Variants in SERPINI2 observed in about 807,000 individuals in gnomAD.
The protein encoded by SERPINI2 is serpin I2.
A neutral mutation model predicts 47.3 loss-of-function variants in SERPINI2; 48 were observed. The observed-to-expected ratio is 1.02, with a 90% CI of 0.81 to 1.29. The LOEUF (loss-of-function observed/expected upper bound fraction) is 1.29, where lower values mean the gene tolerates loss of function less well. Among genes scored for constraint, SERPINI2 ranks in the 50% most tolerant of loss-of-function variants. SERPINI2 has a pLI of 0.00. For synonymous variants in SERPINI2, 135 were observed against 149.3 expected (o/e 0.90, Z 0.70); for missense variants, 448 against 456.9 (o/e 0.98, Z 0.18).
intron 8 of SERPINI2, among the ~76,000 whole-genome samples, chr3:167,443,989 C>T (rs891822991): frequency 6.6e-6 from 1 of 152,074 alleles, no homozygotes; most frequent in African/African-American, 2.4e-5. Context: ...ACATCTTCAT[C>T]AGATGGAAGC....
exon 2 of SERPINI2, chr3:167,471,590 G>C: frequency 6.2e-7 from 1 of 1,613,200 alleles, no homozygotes; most frequent in Non-Finnish European, 8.5e-7. Context: ...AGTCTCACCA[G>C]CTGAGGTTTC....
intron 8 of SERPINI2, among the ~76,000 whole-genome samples, chr3:167,445,662 A>G (rs1399328147): frequency 1.1e-4 from 16 of 152,162 alleles, no homozygotes; most frequent in African/African-American, 3.9e-4. Flanking sequence ...TGTGGTATGT[A>G]ACTCTCACAT....
chr3:167,451,067 G>A (rs900733389), intron 6 of SERPINI2, among the ~76,000 whole-genome samples: 1 of 152,160 alleles, frequency 6.6e-6, no homozygotes, highest in Admixed American at 6.5e-5. Flanking sequence ...CAATACGTTT[G>A]CTAGATGTGC....
chr3:167,471,061 A>G (rs1241105905), intron 2 of SERPINI2, among the ~76,000 whole-genome samples: 1 of 152,170 alleles, frequency 6.6e-6, no homozygotes, highest in Non-Finnish European at 1.5e-5. Flanking sequence ...TGGTCTCGTT[A>G]CAGATGAGGT....
At chr3:167,442,273 T>C in intron 8 of SERPINI2, 88 bp from the exon 9 acceptor site, 1 of 922,668 alleles carries the variant, frequency 1.1e-6, no homozygotes, top group Non-Finnish European at 1.6e-6. Flanking sequence ...ATTTAACATG[T>C]CATTTGGTCT....
chr3:167,476,432 G>A (rs570421277), upstream of SERPINI2, among the ~76,000 whole-genome samples: 1 of 150,482 alleles, frequency 6.6e-6, no homozygotes, highest in African/African-American at 2.4e-5. Flanking sequence ...ATATATTTAT[G>A]AGACAGCTCT....
At chr3:167,460,260 C>A (rs1378033537) in intron 5 of SERPINI2, among the ~76,000 whole-genome samples, 2 of 152,172 alleles carry the variant, frequency 1.3e-5, no homozygotes, top group Non-Finnish European at 2.9e-5. Context: ...AAAGAACCAC[C>A]GCATTCAGTA....
At chr3:167,445,159 T>C (rs1200374902) in intron 8 of SERPINI2, among the ~76,000 whole-genome samples, 2 of 152,184 alleles carry the variant, frequency 1.3e-5, no homozygotes, top group Non-Finnish European at 2.9e-5. Context: ...GATATGACTT[T>C]CAGAAGGGTC....
At chr3:167,464,530 G>A (rs1176876622) in intron 5 of SERPINI2, among the ~76,000 whole-genome samples, 1 of 150,182 alleles carries the variant, frequency 6.7e-6, no homozygotes, top group African/African-American at 2.4e-5. Flanking sequence ...GGCTTGATGA[G>A]TTTGAAAGGA....
At chr3:167,469,505 T>A (rs908772669) in intron 2 of SERPINI2, 1 of 152,200 alleles carries the variant, frequency 6.6e-6, no homozygotes, top group South Asian at 2.1e-4. Context: ...ACAAGTGACA[T>A]GACTTGTGCC....
intron 2 of SERPINI2, among the ~76,000 whole-genome samples, chr3:167,468,202 T>C (rs1750199886): frequency 6.6e-6 from 1 of 152,164 alleles, no homozygotes; most frequent in Admixed American, 6.6e-5. Context: ...ATACTGCAAA[T>C]GCCACTTTCA....
intron 1 of SERPINI2, chr3:167,473,724 A>G (rs1750404404): frequency 3.5e-6 from 5 of 1,444,988 alleles, no homozygotes; most frequent in African/African-American, 2.8e-5. Context: ...ATTGGTTTTA[A>G]AAACTCACTT....
At chr3:167,463,920 C>T (rs945643024) in intron 5 of SERPINI2, among the ~76,000 whole-genome samples, 46 of 149,874 alleles carry the variant, frequency 3.1e-4, no homozygotes, top group Non-Finnish European at 6.3e-4. Flanking sequence ...GCTCTAGTCT[C>T]GGTAAAGCCA....
At chr3:167,463,798 G>C (rs1401219822) in intron 5 of SERPINI2, among the ~76,000 whole-genome samples, 1 of 152,084 alleles carries the variant, frequency 6.6e-6, no homozygotes, top group African/African-American at 2.4e-5. Flanking sequence ...TGGCACACTT[G>C]TTGGAAGTAA....
chr3:167,468,180 A>G (rs1365341054), intron 2 of SERPINI2, among the ~76,000 whole-genome samples: 1 of 152,066 alleles, frequency 6.6e-6, no homozygotes, highest in Non-Finnish European at 1.5e-5. Flanking sequence ...CCTTCATTAT[A>G]TTTTCAGTTA....
At chr3:167,458,245 C>CTTTTT (rs949215365) in intron 5 of SERPINI2, among the ~76,000 whole-genome samples, 396 of 105,170 alleles carry the variant, frequency 3.8e-3, no homozygotes, top group Non-Finnish European at 4.3e-3. Context: ...GAATTTCTTT[C>CTTTTT]TTTTTTTTTT....
At chr3:167,453,295 C>G (rs1293850923) in intron 5 of SERPINI2, among the ~76,000 whole-genome samples, 1 of 152,028 alleles carries the variant, frequency 6.6e-6, no homozygotes, top group Non-Finnish European at 1.5e-5. Context: ...AATTACCCAA[C>G]AAAACTCGGT....
chr3:167,460,065 C>A (rs994083955), intron 5 of SERPINI2, among the ~76,000 whole-genome samples: 1 of 152,094 alleles, frequency 6.6e-6, no homozygotes, highest in Non-Finnish European at 1.5e-5. Context: ...GTGCTGACAC[C>A]TTGATTTTGA....
chr3:167,457,115 A>G (rs1243140791), intron 5 of SERPINI2, among the ~76,000 whole-genome samples: 3 of 152,230 alleles, frequency 2.0e-5, no homozygotes, highest in Admixed American at 1.3e-4. Flanking sequence ...AAAGAATGAT[A>G]TCTCTCACAA....
Sources: gnomAD v4.1 joint callset for allele counts (sites outside exome capture counted in the v4.1 genomes callset) on GRCh38, gnomAD v4.1.1 for gene constraint, MANE v1.5 for transcripts, NCBI Gene and HGNC (gene_info 2026-07-23, HGNC 2026-07-21) for gene names.